The following GLRA3 variants were observed in gnomAD, a reference collection of about 807,000 sequenced individuals.
The protein encoded by GLRA3 is glycine receptor alpha 3.
Under a neutral mutation model 60.4 loss-of-function variants are expected in GLRA3, and 44 were observed. The observed-to-expected ratio is 0.73, with a 90% CI of 0.57 to 0.94. The LOEUF (loss-of-function observed/expected upper bound fraction) is 0.94, where lower values mean the gene tolerates loss of function less well. Ranked by LOEUF, GLRA3 falls within the 40% of genes least tolerant of loss-of-function variation. The pLI, the probability that GLRA3 is intolerant of heterozygous loss-of-function variation, is 0.00. For missense variants in GLRA3, 508 were observed against 564.6 expected (o/e 0.90, Z 1.02); for synonymous variants, 223 against 192.9 (o/e 1.16, Z -1.29).
chr4:174,692,027 G>A (rs1332890810), intron 5 of GLRA3, among the ~76,000 whole-genome samples: 35 of 150,040 alleles, frequency 2.3e-4, no homozygotes, highest in Non-Finnish European at 4.5e-4. Flanking sequence ...TGTGAGGAGC[G>A]CCTCTACCCG....
chr4:174,820,100 T>C (rs960831923), intron 1 of GLRA3, among the ~76,000 whole-genome samples: 11 of 152,180 alleles, frequency 7.2e-5, no homozygotes, highest in African/African-American at 2.7e-4. Context: ...GAGTTGGGAA[T>C]TGTTTCCAAA....
At chr4:174,651,389 C>T (rs1733016453) in intron 9 of GLRA3, among the ~76,000 whole-genome samples, 2 of 152,120 alleles carry the variant, frequency 1.3e-5, no homozygotes, top group Admixed American at 6.6e-5. Context: ...ATTTATTATA[C>T]TACCTATCAG....
At chr4:174,689,006 C>A (rs1330936559) in intron 5 of GLRA3, among the ~76,000 whole-genome samples, 3 of 152,020 alleles carry the variant, frequency 2.0e-5, no homozygotes, top group Non-Finnish European at 4.4e-5. Context: ...TGATAAGTTT[C>A]CCACAAGCAG....
chr4:174,666,792 A>G (rs1345202068), intron 7 of GLRA3, among the ~76,000 whole-genome samples: 1 of 145,754 alleles, frequency 6.9e-6, no homozygotes, highest in African/African-American at 2.5e-5. Context: ...ATTGGATTTT[A>G]TTGCTGTCAG....
intron 2 of GLRA3, among the ~76,000 whole-genome samples, chr4:174,770,042 T>A (rs1738316341): frequency 6.6e-6 from 1 of 152,236 alleles, no homozygotes; most frequent in East Asian, 1.9e-4. Context: ...GTTAGAATGG[T>A]CTAAAATATC....
intron 7 of GLRA3, among the ~76,000 whole-genome samples, chr4:174,661,442 C>T (rs1247840060): frequency 2.6e-5 from 4 of 152,202 alleles, no homozygotes; most frequent in Non-Finnish European, 5.9e-5. Flanking sequence ...ATATTTTCAG[C>T]CTCAGCACCT....
rs1377729196 is a variant in GLRA3, at chr4:174,644,029, T to G, written c.1152A>C (p.Thr384=). 1.1e-5 allele frequency: 17 copies of G among 1,613,498 alleles called. No individual in the cohort carries two copies. The highest frequency in any genetic ancestry group is 1.4e-5 in the Non-Finnish European group (17 of 1,179,760). Reference sequence around the variant, plus strand: ...GTAGACATGGTCCCATTCCATAGGCTGTGAAGCTGAATCGGCTTTCCCTTA... The same window carrying G: ...GTAGACATGGTCCCATTCCATAGGCGGTGAAGCTGAATCGGCTTTCCCTTA... ...DEVRESRFSF[T]AYGMGPCLQA... The change falls in exon 10 of 10, where the codon ACA becomes ACC. Residue 384 remains threonine, a synonymous_variant. Transcript: ENST00000274093.
At chr4:174,750,972 C>A (rs1009181373) in intron 3 of GLRA3, among the ~76,000 whole-genome samples, 9 of 151,976 alleles carry the variant, frequency 5.9e-5, no homozygotes, top group Admixed American at 1.3e-4. Context: ...TCATGAAGAA[C>A]TTTTACATAG....
At chr4:174,797,025 T>C (rs939131705) in intron 1 of GLRA3, among the ~76,000 whole-genome samples, 8 of 152,260 alleles carry the variant, frequency 5.3e-5, no homozygotes, top group African/African-American at 1.9e-4. Context: ...AATAAATACA[T>C]AGTATGAGGC....
Position 174,776,665 on chromosome 4 carries a change from A to C in GLRA3, c.200-9635T>G, listed in dbSNP as rs138257595. 3.5e-4 allele frequency among the ~76,000 whole-genome samples: 53 copies of C among 152,318 alleles called. No individual in the cohort carries two copies. The South Asian group carries it at 6.6e-3, about 19-fold the overall frequency. On this transcript the variant is annotated intron_variant, in intron 2 of 9. Coordinates refer to ENST00000274093, the MANE Select transcript of GLRA3 (RefSeq NM_006529.4). ...TTTTTTGGAGTGTTTGCCTCAAAGA[A>C]GTAGAACTGTGCATCGTTAGTGTTG...
intron 1 of GLRA3, among the ~76,000 whole-genome samples, chr4:174,815,949 C>T (rs749827545): frequency 3.3e-5 from 5 of 152,092 alleles, no homozygotes; most frequent in Admixed American, 1.3e-4. Context: ...GTTTCTTTTC[C>T]GTGGCATCAT....
At chr4:174,793,391 C>T (rs1335430146) in intron 1 of GLRA3, among the ~76,000 whole-genome samples, 2 of 151,482 alleles carry the variant, frequency 1.3e-5, no homozygotes, top group African/African-American at 4.8e-5. Flanking sequence ...AAAAAAATAC[C>T]TGTTTTCTTA....
At chr4:174,788,965 T>C (rs767386415) in intron 1 of GLRA3, 22 bp from the exon 2 acceptor site, 6 of 1,498,740 alleles carry the variant, frequency 4.0e-6, no homozygotes, top group South Asian at 1.3e-5. Flanking sequence ...AACAAAAATA[T>C]AGACTTTACA....
At chr4:174,816,596 C>CT (rs1740508955) in intron 1 of GLRA3, among the ~76,000 whole-genome samples, 3 of 150,792 alleles carry the variant, frequency 2.0e-5, no homozygotes, top group Non-Finnish European at 4.4e-5. Context: ...ATTATTCTCT[C>CT]TTTTTCTCAC....
intron 5 of GLRA3, 83 bp from the exon 6 acceptor site, chr4:174,683,022 G>C (rs982575561): frequency 3.0e-5 from 33 of 1,084,216 alleles, no homozygotes; most frequent in Non-Finnish European, 4.4e-5. Context: ...TAGTCACATA[G>C]GATGAGAAGA....
chr4:174,691,620 G>A (rs571384678), intron 5 of GLRA3, among the ~76,000 whole-genome samples: 1,849 of 152,304 alleles, frequency 0.012, 31 homozygotes, highest in African/African-American at 0.042. Flanking sequence ...TCTCCAGCTC[G>A]TAACCGCGAG....
chr4:174,705,285 T>C (rs1409098839), intron 5 of GLRA3, among the ~76,000 whole-genome samples: 2 of 143,228 alleles, frequency 1.4e-5, no homozygotes, highest in African/African-American at 5.0e-5. Flanking sequence ...TGTGGGGTGA[T>C]GCAATGAAAA....
intron 3 of GLRA3, among the ~76,000 whole-genome samples, chr4:174,752,122 G>A (rs985000025): frequency 6.6e-6 from 1 of 152,080 alleles, no homozygotes; most frequent in East Asian, 1.9e-4. Flanking sequence ...AATATGAAAA[G>A]AAGTAAAGTA....
At chr4:174,703,319 T>C (rs1378304308) in intron 5 of GLRA3, among the ~76,000 whole-genome samples, 1 of 152,194 alleles carries the variant, frequency 6.6e-6, no homozygotes, top group Non-Finnish European at 1.5e-5. Flanking sequence ...ATTGCCTTCA[T>C]GATTCACAGC....
Sources: allele counts gnomAD v4.1 joint callset (sites outside exome capture counted in the v4.1 genomes callset), GRCh38; gene constraint gnomAD v4.1.1; transcripts MANE v1.5; gene names NCBI Gene and HGNC (gene_info 2026-07-23, HGNC 2026-07-21).